SCML2: variants seen among roughly 807,000 people sequenced by gnomAD.
SCML2 encodes the protein sex comb on midleg-like protein 2.
SCML2 carries 6 observed loss-of-function variants against 48.4 expected under a neutral mutation model. That is an observed-to-expected ratio of 0.12 (90% CI 0.07 to 0.24). The LOEUF is 0.24. Among genes scored for constraint, SCML2 ranks in the 10% least tolerant of loss-of-function variants. The pLI is 1.00. For synonymous variants in SCML2, 181 were observed against 189.5 expected, an observed-to-expected ratio of 0.95 and a Z score of 0.37; for missense variants, 377 against 528.2, an observed-to-expected ratio of 0.71 and a Z score of 2.81.
intron 5 of SCML2, among the ~76,000 whole-genome samples, chrX:18,320,683 T>C (rs761981443): frequency 6.3e-5 from 7 of 111,091 alleles, no homozygotes; most frequent in African/African-American, 2.3e-4. Flanking sequence ...CAAACAAACA[T>C]GTATATAATA....
chrX:18,349,752 G>C (rs966907820), intron 1 of SCML2, among the ~76,000 whole-genome samples: 1 of 111,721 alleles, frequency 9.0e-6, no homozygotes, highest in African/African-American at 3.3e-5. Flanking sequence ...AGCCAGGATT[G>C]TGCCACTGCA....
chrX:18,253,487 A>C (rs2147468688), intron 11 of SCML2, among the ~76,000 whole-genome samples: 1 of 112,068 alleles, frequency 8.9e-6, no homozygotes, highest in African/African-American at 3.2e-5. Flanking sequence ...TCAAGAAAAC[A>C]GGAAAAATGG....
chrX:18,281,711 CAAA>C (rs762908673), intron 7 of SCML2, among the ~76,000 whole-genome samples: 3 of 28,725 alleles, frequency 1.0e-4, no homozygotes, highest in Non-Finnish European at 1.3e-4. Flanking sequence ...GACTCTGTCT[CAAA>C]AAAAAAAAAA....
intron 5 of SCML2, among the ~76,000 whole-genome samples, chrX:18,320,845 T>C (rs1024280072): frequency 1.8e-5 from 2 of 111,301 alleles, no homozygotes; most frequent in African/African-American, 3.3e-5. Context: ...TCTGTCAAAC[T>C]CAGCACATAT....
At chrX:18,293,675 A>T (rs1928303599) in intron 7 of SCML2, among the ~76,000 whole-genome samples, 1 of 112,446 alleles carries the variant, frequency 8.9e-6, no homozygotes, top group Non-Finnish European at 1.9e-5. Flanking sequence ...AGACATCAAG[A>T]TTCAACAAAA....
At chrX:18,301,489 G>A (rs1172719262) in intron 7 of SCML2, among the ~76,000 whole-genome samples, 1 of 112,284 alleles carries the variant, frequency 8.9e-6, no homozygotes, top group East Asian at 2.8e-4. Flanking sequence ...ATGAAGAGGA[G>A]GGCTAGGTGT....
At chrX:18,267,638 T>G (rs1050419184) in intron 7 of SCML2, among the ~76,000 whole-genome samples, 7 of 106,468 alleles carry the variant, frequency 6.6e-5, no homozygotes, top group Non-Finnish European at 9.6e-5. Context: ...CAGGCTGGAG[T>G]GCAGTGGCGC....
At chrX:18,297,496 T>C (rs770915573) in intron 7 of SCML2, among the ~76,000 whole-genome samples, 1 of 111,891 alleles carries the variant, frequency 8.9e-6, no homozygotes, top group Admixed American at 9.5e-5. Context: ...AACCACTAAA[T>C]TGTCCCTCTT....
intron 11 of SCML2, among the ~76,000 whole-genome samples, chrX:18,250,367 C>T (rs1196242353): frequency 9.1e-6 from 1 of 110,444 alleles, no homozygotes; most frequent in African/African-American, 3.3e-5. Context: ...CACATGCCAC[C>T]ACGCCTGGCT....
chrX:18,347,137 A>C (rs963020736), intron 1 of SCML2, among the ~76,000 whole-genome samples: 1 of 112,181 alleles, frequency 8.9e-6, no homozygotes, highest in Non-Finnish European at 1.9e-5. Flanking sequence ...CTCTGAATTA[A>C]GACTAATCAA....
intron 6 of SCML2, among the ~76,000 whole-genome samples, chrX:18,313,979 TC>T (rs754472093): frequency 1.4e-3 from 153 of 111,829 alleles, no homozygotes; most frequent in Non-Finnish European, 2.1e-3. Context: ...CAAGTGATCT[TC>T]CCATCATTGA....
At chrX:18,282,544 G>A (rs566431244) in intron 7 of SCML2, among the ~76,000 whole-genome samples, 11 of 110,631 alleles carry the variant, frequency 9.9e-5, no homozygotes, top group African/African-American at 3.3e-4. Flanking sequence ...GGGCTGAGGC[G>A]AGAGGATCAC....
At chrX:18,242,701 C>T (rs1018803406) in intron 13 of SCML2, 111 bp from the exon 14 acceptor site, 4 of 812,777 alleles carry the variant, frequency 4.9e-6, no homozygotes, top group Non-Finnish European at 6.8e-6. Context: ...TTGTTAAGTT[C>T]CCCAACAAGG....
chrX:18,251,381 T>C (rs772718753), intron 11 of SCML2, among the ~76,000 whole-genome samples: 13 of 94,462 alleles, frequency 1.4e-4, no homozygotes, highest in East Asian at 1.3e-3. Context: ...ATAAAATACA[T>C]GCAAAGCATA....
intron 1 of SCML2, among the ~76,000 whole-genome samples, chrX:18,346,522 G>T (rs1305674937): frequency 8.9e-6 from 1 of 112,136 alleles, no homozygotes; most frequent in African/African-American, 3.2e-5. Flanking sequence ...AAATACGTTT[G>T]CTGGTGTTTT....
intron 3 of SCML2, among the ~76,000 whole-genome samples, chrX:18,328,232 C>A (rs762757327): frequency 9.0e-6 from 1 of 111,520 alleles, no homozygotes; most frequent in East Asian, 2.8e-4. Flanking sequence ...CCAGTGCTAT[C>A]CTTGGGATCC....
chrX:18,285,869 C>T (rs1402527368), intron 7 of SCML2, among the ~76,000 whole-genome samples: 1 of 111,147 alleles, frequency 9.0e-6, no homozygotes, highest in Non-Finnish European at 1.9e-5. Context: ...CATATATTTA[C>T]AATCGGACCA....
intron 1 of SCML2, among the ~76,000 whole-genome samples, chrX:18,339,746 G>A (rs1285612938): frequency 3.6e-5 from 4 of 111,084 alleles, no homozygotes; most frequent in Non-Finnish European, 7.5e-5. Flanking sequence ...AAAAAGAAGA[G>A]AAGGTGGCTT....
At position 18,320,392 on chromosome X, in the gene SCML2, C is replaced by G; in HGVS notation, c.426G>C (p.Pro142=). The G allele has an allele frequency of 1.7e-6, 2 of 1,152,154 alleles. No individual in the cohort carries two copies. Among genetic ancestry groups the G allele is most frequent in the Non-Finnish European group, 2.3e-6 (2 of 854,544 alleles). 95.0% of individuals were successfully genotyped at this position (1,152,154 alleles called of 1,213,427 possible). ...LGYQMNTSSW[P]MFLLKTLNGS... is the part of the protein sequence containing the mutation. Reference sequence around the variant, plus strand: ...CATTTAGTGTCTTTAAGAGGAACATCGGCCAGGAGGATGTATTCATCTGGT... The same window carrying G: ...CATTTAGTGTCTTTAAGAGGAACATGGGCCAGGAGGATGTATTCATCTGGT... Residue 142 remains proline, a synonymous_variant, in exon 6 of 15, where the codon CCG becomes CCC. Coordinates refer to ENST00000251900, the MANE Select transcript of SCML2 (RefSeq NM_006089.3).
Sources: gnomAD v4.1 joint callset for allele counts (sites outside exome capture counted in the v4.1 genomes callset) on GRCh38, gnomAD v4.1.1 for gene constraint, MANE v1.5 for transcripts, NCBI Gene and HGNC (gene_info 2026-07-23, HGNC 2026-07-21) for gene names.